Variants in CNBD1 observed in about 807,000 individuals in gnomAD.
CNBD1 encodes cyclic nucleotide-binding domain-containing protein 1.
CNBD1 carries 71 observed loss-of-function variants against 54.4 expected under a neutral mutation model. The observed-to-expected ratio is 1.30, with a 90% CI of 1.08 to 1.59. The LOEUF is 1.59. Ranked by LOEUF, CNBD1 falls within the 40% of genes most tolerant of loss-of-function variation. CNBD1 has a pLI of 0.00. For missense variants in CNBD1, 659 were observed against 518.0 expected, an observed-to-expected ratio of 1.27 and a Z score of -2.64; for synonymous variants, 182 against 170.7, an observed-to-expected ratio of 1.07 and a Z score of -0.51.
rs1030492738 is a variant in CNBD1 at position 87,163,137 on chromosome 8, T to C, written c.432-42856T>C. Among the ~76,000 whole-genome samples the C allele has an allele frequency of 2.6e-5, 4 of 152,026 alleles. No individual in the cohort carries two copies. Among genetic ancestry groups the C allele is most frequent in the African/African-American group, 9.7e-5 (4 of 41,416 alleles). On this transcript the variant is annotated intron_variant, in intron 4 of 10. Transcript: ENST00000518476. The surrounding 1 kb of genome is among the most constrained non-coding windows in gnomAD (Gnocchi z 4.5). ...CAGCACAAATGAACTAAGACAGATG[T>C]TTTCTTGATTAGAAAGATGAAAAAG...
intron 4 of CNBD1, among the ~76,000 whole-genome samples, chr8:87,205,684 A>G (rs1813957009): frequency 1.3e-5 from 2 of 152,126 alleles, no homozygotes; most frequent in Non-Finnish European, 2.9e-5. Flanking sequence ...AAGAGATGCA[A>G]CTTTACAATA....
chr8:87,346,809 C>A (rs530274891), intron 8 of CNBD1, among the ~76,000 whole-genome samples: 110 of 152,052 alleles, frequency 7.2e-4, no homozygotes, highest in African/African-American at 2.2e-3. Context: ...TCCTTTATTC[C>A]AAGCATTCAG....
chr8:87,131,958 C>G (rs573338357), intron 4 of CNBD1, among the ~76,000 whole-genome samples: 5 of 151,904 alleles, frequency 3.3e-5, no homozygotes, highest in South Asian at 2.1e-4. Context: ...GACTTTGTTT[C>G]CCTTCATTCT....
chr8:87,428,116 C>A (rs1808079998), intron 2 of CNBD1, among the ~76,000 whole-genome samples: 1 of 143,608 alleles, frequency 7.0e-6, no homozygotes, highest in Non-Finnish European at 1.5e-5. Context: ...ATCTTAGGAG[C>A]ATAAGATCCT....
chr8:86,959,744 A>C (rs188863805), intron 4 of CNBD1, among the ~76,000 whole-genome samples: 89 of 152,188 alleles, frequency 5.8e-4, no homozygotes, highest in African/African-American at 2.1e-3. Flanking sequence ...CTAGTTAGCC[A>C]TTCATCTAAT....
chr8:87,167,182 T>G (rs1812980058), intron 4 of CNBD1, among the ~76,000 whole-genome samples: 1 of 151,984 alleles, frequency 6.6e-6, no homozygotes, highest in Non-Finnish European at 1.5e-5. Flanking sequence ...TCAAGCACAT[T>G]TATACTTAAA....
chr8:87,236,852 TA>T, intron 5 of CNBD1, 66 bp from the exon 6 acceptor site: 1 of 865,016 alleles, frequency 1.2e-6, no homozygotes, highest in Non-Finnish European at 1.8e-6. Context: ...GTAATATATA[TA>T]TTAGTCATAT....
In CNBD1 at chr8:87,237,118, A is replaced by AGAT. The variant is rs1807600386; in HGVS notation, c.771+9_771+11dup. ...TACCTTCATATGACTCAATGGTAAG[A>AGAT]GATGAGTATTTGCTTTTTCCACAAG... On this transcript the variant is annotated splice_region_variant and intron_variant, in intron 6 of 10. Transcript: ENST00000518476. The AGAT allele has an allele frequency of 6.4e-7, 1 of 1,571,846 alleles. No homozygotes were observed. The highest frequency in any genetic ancestry group is 8.7e-7 in the Non-Finnish European group (1 of 1,153,626).
At chr8:87,167,289 A>G (rs1812983570) in intron 4 of CNBD1, among the ~76,000 whole-genome samples, 1 of 151,954 alleles carries the variant, frequency 6.6e-6, no homozygotes, top group Non-Finnish European at 1.5e-5. Context: ...AGTATATCGA[A>G]CACCTCAAAC....
intron 4 of CNBD1, among the ~76,000 whole-genome samples, chr8:87,083,279 T>A (rs560572206): frequency 6.6e-6 from 1 of 152,328 alleles, no homozygotes; most frequent in African/African-American, 2.4e-5. Context: ...TCTATTAACA[T>A]AGCTAGATCT....
chr8:87,057,519 C>A (rs1586227737), intron 4 of CNBD1, among the ~76,000 whole-genome samples: 2 of 152,124 alleles, frequency 1.3e-5, no homozygotes, highest in Admixed American at 1.3e-4. Context: ...CCATTCTGCC[C>A]CTGGCCCCTT....
chr8:87,181,289 T>C (rs908046252), intron 4 of CNBD1, among the ~76,000 whole-genome samples: 2 of 152,168 alleles, frequency 1.3e-5, no homozygotes, highest in Non-Finnish European at 2.9e-5. Flanking sequence ...ACATTTGACA[T>C]GTGTACACAT....
chr8:87,390,279 A>G (rs1811281032), intron 2 of CNBD1, among the ~76,000 whole-genome samples: 1 of 152,210 alleles, frequency 6.6e-6, no homozygotes, highest in Non-Finnish European at 1.5e-5. Context: ...GCTTCTGCAC[A>G]GCAAAAGAAA....
chr8:87,415,830 A>G (rs927436741), intron 2 of CNBD1, among the ~76,000 whole-genome samples: 1 of 152,052 alleles, frequency 6.6e-6, no homozygotes, highest in Non-Finnish European at 1.5e-5. Context: ...TGCAAGTAAG[A>G]CAAATAGGGA....
intron 1 of CNBD1, among the ~76,000 whole-genome samples, chr8:86,882,473 C>G (rs915909834): frequency 6.6e-6 from 1 of 151,986 alleles, no homozygotes; most frequent in African/African-American, 2.4e-5. Flanking sequence ...ACTGAGACAC[C>G]ATCTCACACC....
intron 8 of CNBD1, among the ~76,000 whole-genome samples, chr8:87,305,374 A>G (rs570996942): frequency 4.4e-4 from 67 of 152,280 alleles, no homozygotes; most frequent in African/African-American, 1.6e-3. Context: ...TCAAAATACC[A>G]CCATCATTCT....
rs1257886715 is a variant in CNBD1, at chr8:87,141,022, T to G, written c.432-64971T>G. Among the ~76,000 whole-genome samples, 3 of 152,274 alleles carry G rather than the reference T, an allele frequency of 2.0e-5. No individual in the cohort carries two copies. The East Asian group carries it at 5.8e-4, about 29-fold the overall frequency. On this transcript the variant is annotated intron_variant, in intron 4 of 10. Transcript: ENST00000518476. ...GAACATGTTTCCTAAAGTTTTTACT[T>G]CTGAACATTAATAAAATATTCTGTC...
At chr8:87,321,731 T>C (rs1043775646) in intron 8 of CNBD1, among the ~76,000 whole-genome samples, 3 of 152,110 alleles carry the variant, frequency 2.0e-5, no homozygotes, top group Non-Finnish European at 4.4e-5. Flanking sequence ...TTTTTGTGCC[T>C]GTGCTTTTGG....
chr8:87,071,385 T>C (rs946011039), intron 4 of CNBD1, among the ~76,000 whole-genome samples: 4 of 152,112 alleles, frequency 2.6e-5, no homozygotes, highest in Non-Finnish European at 5.9e-5. Context: ...ACAAAACTCT[T>C]GAAAAGGCTC....
Sources: gnomAD v4.1 joint callset for allele counts (sites outside exome capture counted in the v4.1 genomes callset) on GRCh38, gnomAD v4.1.1 for gene constraint, Gnocchi (gnomAD v3.1) non-coding constraint, MANE v1.5 for transcripts, NCBI Gene and HGNC (gene_info 2026-07-23, HGNC 2026-07-21) for gene names.